BRINP1: variants seen among roughly 807,000 people sequenced by gnomAD.
BRINP1 encodes BMP/retinoic acid-inducible neural-specific protein 1.
In BRINP1, 17 loss-of-function variants were observed where a neutral mutation model predicts 72.9. The observed-to-expected ratio is 0.23, with a 90% CI of 0.16 to 0.35. The LOEUF is 0.35. Ranked by LOEUF, BRINP1 falls within the 10% of genes least tolerant of loss-of-function variation. The pLI, the probability that BRINP1 is intolerant of heterozygous loss-of-function variation, is 1.00. For missense variants in BRINP1, 850 were observed against 1,001.6 expected, an observed-to-expected ratio of 0.85 and a Z score of 2.04; for synonymous variants, 418 against 378.5, an observed-to-expected ratio of 1.10 and a Z score of -1.21.
At chr9:119,236,157 C>T (rs1830190147) in intron 5 of BRINP1, among the ~76,000 whole-genome samples, 1 of 152,132 alleles carries the variant, frequency 6.6e-6, no homozygotes, top group South Asian at 2.1e-4. Flanking sequence ...TACTATTTAT[C>T]ATAGTAAAAC....
intron 1 of BRINP1, among the ~76,000 whole-genome samples, chr9:119,349,734 G>A (rs958147578): frequency 2.6e-5 from 4 of 152,132 alleles, no homozygotes; most frequent in African/African-American, 9.7e-5. Context: ...ATGTGGGTTC[G>A]GGTTGCAGTC....
At chr9:119,207,727 T>C (rs1424203145) in intron 7 of BRINP1, among the ~76,000 whole-genome samples, 1 of 152,176 alleles carries the variant, frequency 6.6e-6, no homozygotes, top group African/African-American at 2.4e-5. Context: ...CAATCATATA[T>C]ATAAATATGT....
chr9:119,315,946 T>A (rs1258681937), intron 1 of BRINP1, among the ~76,000 whole-genome samples: 1 of 152,172 alleles, frequency 6.6e-6, no homozygotes, highest in Non-Finnish European at 1.5e-5. Flanking sequence ...CAGAGGTTGC[T>A]TCCTGAGGTT....
chr9:119,363,695 T>C (rs1036285382), intron 1 of BRINP1, among the ~76,000 whole-genome samples: 1 of 152,232 alleles, frequency 6.6e-6, no homozygotes, highest in African/African-American at 2.4e-5. Context: ...GCCATGGCCA[T>C]GTACATGCTA....
intron 2 of BRINP1, among the ~76,000 whole-genome samples, chr9:119,307,508 G>A (rs527824686): frequency 1.3e-5 from 2 of 152,170 alleles, no homozygotes; most frequent in Non-Finnish European, 2.9e-5. Flanking sequence ...TTTGTGATGA[G>A]AAAACTGAAG....
Position 119,341,711 on chromosome 9 carries a change from C to T in BRINP1, c.-51+27345G>A, listed in dbSNP as rs541678123. On this transcript the variant is annotated intron_variant, in intron 1 of 7. Coordinates refer to ENST00000265922, the MANE Select transcript of BRINP1 (RefSeq NM_014618.3). ...TTAGGTGTATTGAATGCATTTTTGG[C>T]TTATGATAGGTTTATTGGTAAGTAA... 2.0e-5 allele frequency among the ~76,000 whole-genome samples: 3 copies of T among 152,248 alleles called. No homozygotes were observed. The South Asian group carries it at 6.2e-4, about 32-fold the overall frequency.
rs544748779 is a variant in BRINP1 at position 119,285,767 on chromosome 9, C to T, written c.218+27371G>A. Among the ~76,000 whole-genome samples, 74 of 152,230 alleles carry T rather than the reference C, an allele frequency of 4.9e-4. 1 individual carries two copies. Among genetic ancestry groups the T allele is most frequent in the African/African-American group, 1.8e-3 (74 of 41,550 alleles). ...TTGAATCCCCAGAGGATTTCTGGTG[C>T]CTTGGTAGTGGTGTGTATCTGGTAT... On this transcript the variant is annotated intron_variant, in intron 2 of 7. Coordinates refer to ENST00000265922, the MANE Select transcript of BRINP1 (RefSeq NM_014618.3).
intron 1 of BRINP1, among the ~76,000 whole-genome samples, chr9:119,339,817 T>C (rs1831389483): frequency 6.6e-6 from 1 of 152,204 alleles, no homozygotes. Flanking sequence ...TGTAACTTTC[T>C]TTGCAACCTC....
At chr9:119,232,100 A>G (rs1209696866) in intron 5 of BRINP1, among the ~76,000 whole-genome samples, 1 of 152,176 alleles carries the variant, frequency 6.6e-6, no homozygotes, top group Non-Finnish European at 1.5e-5. Context: ...CAGTCTCATC[A>G]TAGCAATGTG....
chr9:119,193,223 T>C (rs1829700789), intron 7 of BRINP1, among the ~76,000 whole-genome samples: 1 of 152,174 alleles, frequency 6.6e-6, no homozygotes. Context: ...ATGTATATGA[T>C]ATAATATTAT....
At chr9:119,360,636 T>C (rs73536344) in intron 1 of BRINP1, among the ~76,000 whole-genome samples, 2,341 of 152,266 alleles carry the variant, frequency 0.015, 61 homozygotes, top group African/African-American at 0.053. Context: ...AGCAATCATA[T>C]CCTGGATGTC....
chr9:119,208,923 A>C lies in BRINP1; in HGVS notation c.941T>G (p.Met314Arg). 6.2e-7 allele frequency: 1 copy of C among 1,614,064 alleles called. No homozygotes were observed. The highest frequency in any genetic ancestry group is 8.5e-7 in the Non-Finnish European group (1 of 1,179,920). ...GAAGTGGTTGCTGGGGAGGCGCTTCATAAATGATTTAAACTCATCTAGTGA... is the reference window on the plus strand; with the variant it reads ...GAAGTGGTTGCTGGGGAGGCGCTTCCTAAATGATTTAAACTCATCTAGTGA... Reference protein sequence around the residue: ...LENSDEFKSFMKRLPSNHFLT... With the variant: ...LENSDEFKSFRKRLPSNHFLT... Residue 314 changes from methionine (M) to arginine (R), a missense_variant, in exon 7 of 8, where the codon ATG becomes AGG. Physicochemically the swap from Met to Arg is moderately conservative, Grantham distance 91. Coordinates refer to ENST00000265922, the MANE Select transcript of BRINP1 (RefSeq NM_014618.3).
intron 2 of BRINP1, among the ~76,000 whole-genome samples, chr9:119,262,761 A>C (rs1293908645): frequency 6.6e-6 from 1 of 152,062 alleles, no homozygotes; most frequent in Non-Finnish European, 1.5e-5. Flanking sequence ...ACAACCTTAG[A>C]CAAGTAATGA....
chr9:119,279,888 G>C lies in BRINP1; in HGVS notation c.219-30738C>G, dbSNP rs888114801. ...AATCAGTGTACTTTCTGAATTACTG[G>C]GGTCAAAATTAATGAGGCTTATAAG... On this transcript the variant is annotated intron_variant, in intron 2 of 7. Coordinates refer to ENST00000265922, the MANE Select transcript of BRINP1 (RefSeq NM_014618.3). Among the ~76,000 whole-genome samples the C allele has an allele frequency of 3.3e-5, 5 of 152,124 alleles. No homozygotes were observed. The East Asian group carries it at 9.6e-4, about 29-fold the overall frequency.
At chr9:119,282,772 T>C in intron 2 of BRINP1, 1 of 982,976 alleles carries the variant, frequency 1.0e-6, no homozygotes, top group Non-Finnish European at 1.2e-6. Context: ...CCAAATTTAA[T>C]TTTGCCCAGA....
chr9:119,349,296 T>C (rs1831480177), intron 1 of BRINP1, among the ~76,000 whole-genome samples: 1 of 152,188 alleles, frequency 6.6e-6, no homozygotes, highest in African/African-American at 2.4e-5. Context: ...TGGCTGCTTA[T>C]ATGGGACAAC....
At chr9:119,260,396 T>A (rs932835390) in intron 2 of BRINP1, among the ~76,000 whole-genome samples, 2 of 152,370 alleles carry the variant, frequency 1.3e-5, no homozygotes, top group Admixed American at 1.3e-4. Context: ...ATATTTACTG[T>A]CTGACCCTTT....
At chr9:119,365,015 T>G (rs1831677088) in intron 1 of BRINP1, among the ~76,000 whole-genome samples, 3 of 152,228 alleles carry the variant, frequency 2.0e-5, no homozygotes, top group African/African-American at 7.2e-5. Context: ...ATAAAGCAAC[T>G]ACTCTGTGTC....
intron 2 of BRINP1, among the ~76,000 whole-genome samples, chr9:119,265,065 T>C (rs72761720): frequency 0.028 from 4,283 of 152,340 alleles, 88 homozygotes; most frequent in Non-Finnish European, 0.041. Flanking sequence ...AAACACACTC[T>C]AACTTCCAAG....
Sources: gnomAD v4.1 joint callset for allele counts (sites outside exome capture counted in the v4.1 genomes callset) on GRCh38, gnomAD v4.1.1 for gene constraint, MANE v1.5 for transcripts, NCBI Gene and HGNC (gene_info 2026-07-23, HGNC 2026-07-21) for gene names.